RGS20: variants seen among roughly 807,000 people sequenced by gnomAD.
RGS20 encodes regulator of G protein signaling 20, also known as gz-selective GTPase-activating protein.
RGS20 carries 30 observed loss-of-function variants against 33.6 expected under a neutral mutation model. The ratio of observed to expected loss-of-function variants is 0.89; its 90% CI spans 0.67 to 1.21. The LOEUF (loss-of-function observed/expected upper bound fraction) is 1.21, where lower values mean the gene tolerates loss of function less well. RGS20 is among the 50% of genes most tolerant of loss of function. The probability of loss-of-function intolerance (pLI) is 0.00; values close to 1 mark genes in which losing one functional copy is unlikely to be tolerated. For missense variants in RGS20, 472 were observed against 502.4 expected (o/e 0.94, Z 0.58); for synonymous variants, 208 against 197.9 (o/e 1.05, Z -0.43).
intron 2 of RGS20, among the ~76,000 whole-genome samples, chr8:53,908,852 T>C (rs1813255716): frequency 6.6e-6 from 1 of 152,006 alleles, no homozygotes; most frequent in Admixed American, 6.6e-5. Flanking sequence ...CAGAAAGTTA[T>C]AAAGCAGCAT....
Position 53,879,610 on chromosome 8 carries a change from C to T in RGS20, c.510+8C>T. 6.8e-7 allele frequency: 1 copy of T among 1,477,530 alleles called. No individual in the cohort carries two copies. The allele number at this position is 1,477,530 out of a possible 1,614,324, so 91.5% of individuals were successfully genotyped here. ...CAGAGCTCGCCTATGCCGGTGAGTA[C>T]CGTGGTCTCCACTACGCCCCACACC... On this transcript the variant is annotated splice_region_variant and intron_variant, in intron 2 of 5. Transcript: ENST00000297313.
At chr8:53,957,671 GAAA>G (rs1814908126) in intron 5 of RGS20, among the ~76,000 whole-genome samples, 1 of 152,212 alleles carries the variant, frequency 6.6e-6, no homozygotes, top group Admixed American at 6.5e-5. Context: ...GAACTTGTGG[GAAA>G]TAACAAGCAT....
chr8:53,866,387 CT>C (rs58939238), intron 1 of RGS20, among the ~76,000 whole-genome samples: 4,512 of 144,506 alleles, frequency 0.031, 80 homozygotes, highest in Middle Eastern at 0.063. Context: ...ACATTTACCT[CT>C]TTTTTTTTTT....
intron 1 of RGS20, among the ~76,000 whole-genome samples, chr8:53,869,874 G>C (rs1812019720): frequency 6.6e-6 from 1 of 152,104 alleles, no homozygotes; most frequent in East Asian, 1.9e-4. Flanking sequence ...AAGGAGCGTG[G>C]CTTGGGGTTC....
rs557094949 is a variant in RGS20, at chr8:53,957,861, A to G, written c.979-409A>G. 3.3e-5 allele frequency among the ~76,000 whole-genome samples: 5 copies of G among 152,294 alleles called. No homozygotes were observed. In the South Asian group the frequency reaches 1.0e-3, roughly 32 times the overall value. ...TTTGGTTTGGGATATTTAAAAAACA[A>G]CAAGGCCGGGCACAGTGGCTCATGC... On this transcript the variant is annotated intron_variant, in intron 5 of 5. Transcript: ENST00000297313.
Position 53,954,097 on chromosome 8 carries a change from A to C in RGS20, c.765A>C (p.Glu255Asp), listed in dbSNP as rs113296379. 9 of 1,613,908 alleles carry C rather than the reference A, an allele frequency of 5.6e-6. No individual in the cohort carries two copies. In the African/African-American group the frequency reaches 6.7e-5, roughly 12 times the overall value. The change falls in exon 5 of 6, where the codon GAA becomes GAC. Residue 255 changes from glutamate to aspartate, a missense_variant. Transcript: ENST00000297313. Reference sequence around the variant, plus strand: ...GAAGCCCTGCTCCTACTCTGGAAGAAGTCAACGCCTGGGCTCAGTCATTTG... The same window carrying C: ...GAAGCCCTGCTCCTACTCTGGAAGACGTCAACGCCTGGGCTCAGTCATTTG...
In RGS20 at chr8:53,870,091, C is replaced by T. The variant is rs563493176; in HGVS notation, c.166-9167C>T. 4.8e-4 allele frequency among the ~76,000 whole-genome samples: 73 copies of T among 152,302 alleles called. 1 individual carries two copies. In the Middle Eastern group the frequency reaches 0.027, roughly 57 times the overall value. ...AAAAATGGATTCTGTGTCACAGACTCTTTATTACAACAATATAAAGAATAA... is the reference window on the plus strand; with the variant it reads ...AAAAATGGATTCTGTGTCACAGACTTTTTATTACAACAATATAAAGAATAA... On this transcript the variant is annotated intron_variant, in intron 1 of 5. Coordinates refer to ENST00000297313, the MANE Select transcript of RGS20 (RefSeq NM_170587.4).
At chr8:53,865,725 G>T (rs900371640) in intron 1 of RGS20, among the ~76,000 whole-genome samples, 2 of 152,184 alleles carry the variant, frequency 1.3e-5, no homozygotes, top group African/African-American at 4.8e-5. Flanking sequence ...TCATGCCTCA[G>T]CCTCCTGAGT....
intron 1 of RGS20, among the ~76,000 whole-genome samples, chr8:53,869,256 T>C (rs1452750731): frequency 6.6e-6 from 1 of 152,186 alleles, no homozygotes; most frequent in Non-Finnish European, 1.5e-5. Flanking sequence ...AGCTAGCAAA[T>C]ATAAAAAGTG....
chr8:53,933,400 T>G (rs1814031838), intron 2 of RGS20, among the ~76,000 whole-genome samples: 1 of 152,122 alleles, frequency 6.6e-6, no homozygotes, highest in Non-Finnish European at 1.5e-5. Context: ...ATAACCATTT[T>G]AGAGAAGAAT....
At chr8:53,947,036 C>G (rs908021537) in intron 4 of RGS20, among the ~76,000 whole-genome samples, 4 of 146,674 alleles carry the variant, frequency 2.7e-5, no homozygotes, top group Admixed American at 2.1e-4. Context: ...ATATAATATA[C>G]TTTTAAAAAT....
At chr8:53,902,833 C>G (rs1332540417) in intron 2 of RGS20, among the ~76,000 whole-genome samples, 3 of 152,002 alleles carry the variant, frequency 2.0e-5, no homozygotes, top group Non-Finnish European at 4.4e-5. Context: ...TCAAGTAATT[C>G]TCCTGCCTCA....
chr8:53,873,041 C>T (rs1443592642), intron 1 of RGS20, among the ~76,000 whole-genome samples: 1 of 152,046 alleles, frequency 6.6e-6, no homozygotes, highest in African/African-American at 2.4e-5. Context: ...AGGGCAAATC[C>T]CTCGTGGCTG....
chr8:53,939,789 G>A, intron 3 of RGS20, 65 bp downstream of exon 2: 2 of 1,475,216 alleles, frequency 1.4e-6, no homozygotes, highest in South Asian at 2.7e-5. Context: ...TCCTGACTGG[G>A]ACGTGGCACC....
intron 2 of RGS20, among the ~76,000 whole-genome samples, chr8:53,901,419 C>G (rs955612196): frequency 6.6e-6 from 1 of 152,134 alleles, no homozygotes; most frequent in Non-Finnish European, 1.5e-5. Context: ...TGGGATCTGG[C>G]TAGTCTTTGA....
intron 1 of RGS20, among the ~76,000 whole-genome samples, chr8:53,852,532 A>G (rs1207575486): frequency 6.6e-6 from 1 of 152,188 alleles, no homozygotes; most frequent in Non-Finnish European, 1.5e-5. Flanking sequence ...TCCAAATTCA[A>G]AGTTTCCAAA....
intron 3 of RGS20, among the ~76,000 whole-genome samples, chr8:53,943,994 G>GACA (rs1814385067): frequency 1.4e-5 from 2 of 146,964 alleles, no homozygotes; most frequent in Admixed American, 6.7e-5. Context: ...GAAAAATAGA[G>GACA]CTACACACAC....
intron 2 of RGS20, among the ~76,000 whole-genome samples, chr8:53,891,391 G>T (rs1812705400): frequency 6.6e-6 from 1 of 152,142 alleles, no homozygotes; most frequent in South Asian, 2.1e-4. Context: ...GGCCAAGGTG[G>T]GTGGATCACT....
At chr8:53,865,030 C>G (rs960540545) in intron 1 of RGS20, among the ~76,000 whole-genome samples, 16 of 152,168 alleles carry the variant, frequency 1.1e-4, no homozygotes, top group Non-Finnish European at 2.9e-5. Flanking sequence ...AGGGAGAAAG[C>G]CTTAGAACGA....
Sources: gnomAD v4.1 joint callset for allele counts (sites outside exome capture counted in the v4.1 genomes callset) on GRCh38, gnomAD v4.1.1 for gene constraint, MANE v1.5 for transcripts, NCBI Gene and HGNC (gene_info 2026-07-23, HGNC 2026-07-21) for gene names.